NEDD4: variants seen among roughly 807,000 people sequenced by gnomAD.
NEDD4 encodes the protein E3 ubiquitin-protein ligase NEDD4.
Under a neutral mutation model 144.9 loss-of-function variants are expected in NEDD4, and 99 were observed. The observed-to-expected ratio is 0.68, with a 90% CI of 0.58 to 0.81. NEDD4 has a LOEUF of 0.81. NEDD4 is among the 30% of genes least tolerant of loss of function. NEDD4 has a pLI of 0.00. For synonymous variants in NEDD4, 318 were observed against 350.6 expected, an observed-to-expected ratio of 0.91 and a Z score of 1.04; for missense variants, 985 against 1,065.9, an observed-to-expected ratio of 0.92 and a Z score of 1.06.
intron 1 of NEDD4, among the ~76,000 whole-genome samples, chr15:55,966,869 C>T (rs764595494): frequency 6.6e-5 from 10 of 152,016 alleles, no homozygotes; most frequent in Admixed American, 1.3e-4. Context: ...TACACAAAAT[C>T]GAAAGTTCAT....
At chr15:55,838,680 G>A in intron 21 of NEDD4, 76 bp from the exon 22 acceptor site, 1 of 924,076 alleles carries the variant, frequency 1.1e-6, no homozygotes, top group East Asian at 2.6e-5. Context: ...TATGTAGAGG[G>A]TCTGAATAAT....
In NEDD4 at chr15:55,936,693, A is replaced by T. The variant is rs1286963669; in HGVS notation, c.238-11994T>A. Among the ~76,000 whole-genome samples, 5 of 152,322 alleles carry T rather than the reference A, an allele frequency of 3.3e-5. No homozygotes were observed. The East Asian group carries it at 7.7e-4, about 23-fold the overall frequency. ...TTTCAGATGCCCAAGCACAATTCTTATGCACAGAGTAAATAACATGTGCAT... is the reference window on the plus strand; with the variant it reads ...TTTCAGATGCCCAAGCACAATTCTTTTGCACAGAGTAAATAACATGTGCAT... On this transcript the variant is annotated intron_variant, in intron 4 of 28. Coordinates refer to ENST00000435532, the MANE Select transcript of NEDD4 (RefSeq NM_006154.4).
intron 4 of NEDD4, among the ~76,000 whole-genome samples, chr15:55,925,191 G>A (rs75097839): frequency 6.6e-6 from 1 of 152,172 alleles, no homozygotes; most frequent in Non-Finnish European, 1.5e-5. Flanking sequence ...TCATTTTCTA[G>A]TAGTTTCACA....
chr15:55,916,087 T>C (rs775452036), intron 5 of NEDD4: 92 of 1,613,892 alleles, frequency 5.7e-5, no homozygotes, highest in Non-Finnish European at 7.7e-5. Context: ...ACTGGCAATT[T>C]CATAATCTCT....
At chr15:55,969,130 C>T (rs563451178) in intron 1 of NEDD4, among the ~76,000 whole-genome samples, 27 of 152,184 alleles carry the variant, frequency 1.8e-4, no homozygotes, top group South Asian at 4.1e-4. Flanking sequence ...CTTTGCGGGA[C>T]GAAGGGCAAA....
chr15:55,888,178 A>C (rs1160224477), intron 5 of NEDD4, among the ~76,000 whole-genome samples: 1 of 152,204 alleles, frequency 6.6e-6, no homozygotes, highest in Non-Finnish European at 1.5e-5. Flanking sequence ...CCAAATTGGA[A>C]AGGAAGAAGT....
intron 2 of NEDD4, among the ~76,000 whole-genome samples, chr15:55,953,910 T>C (rs1166825379): frequency 1.3e-5 from 2 of 152,212 alleles, no homozygotes; most frequent in Admixed American, 6.5e-5. Context: ...TAAGTAGAGA[T>C]TGGATTTCAC....
rs770132027 is a variant in NEDD4, at chr15:55,951,387, T to C, written c.226A>G (p.Ile76Val). 7 of 981,936 alleles carry C rather than the reference T, an allele frequency of 7.1e-6. No individual in the cohort carries two copies. In the South Asian group the frequency reaches 1.2e-4, roughly 16 times the overall value. The allele number at this position is 981,936 out of a possible 1,614,324, so 60.8% of individuals were successfully genotyped here. ...AAATATATACTTACTCTGAATAATA[T>C]TTCTTCATTCCACTTTGGATTCAAA... Reference protein sequence around the residue: ...KSLNPKWNEEILFRVHPQQHR... With the variant: ...KSLNPKWNEEVLFRVHPQQHR... Residue 76 changes from isoleucine to valine, a missense_variant, in exon 4 of 29, where the codon ATA becomes GTA. Physicochemically the swap from Ile to Val is conservative, Grantham distance 29. Transcript: ENST00000435532.
At chr15:55,906,202 A>G (rs2036087245) in intron 5 of NEDD4, among the ~76,000 whole-genome samples, 1 of 152,230 alleles carries the variant, frequency 6.6e-6, no homozygotes, top group East Asian at 1.9e-4. Flanking sequence ...AACTAGTTCA[A>G]CCATTGTGGA....
At chr15:55,967,045 C>T (rs377441208) in intron 1 of NEDD4, among the ~76,000 whole-genome samples, 27 of 151,768 alleles carry the variant, frequency 1.8e-4, no homozygotes, top group South Asian at 1.3e-3. Context: ...CGCCACCATG[C>T]CCAGATAATT....
intron 6 of NEDD4, among the ~76,000 whole-genome samples, chr15:55,873,057 C>T (rs1246494123): frequency 1.3e-5 from 2 of 152,026 alleles, no homozygotes; most frequent in African/African-American, 2.4e-5. Flanking sequence ...CTCTGATGTT[C>T]TGCATTGTTA....
At chr15:55,957,876 A>G (rs1281509347) in intron 2 of NEDD4, among the ~76,000 whole-genome samples, 1 of 152,218 alleles carries the variant, frequency 6.6e-6, no homozygotes, top group Non-Finnish European at 1.5e-5. Context: ...ACACGGACAG[A>G]AAACCAAACA....
intron 5 of NEDD4, among the ~76,000 whole-genome samples, chr15:55,903,244 CT>C (rs2035968284): frequency 6.6e-6 from 1 of 151,934 alleles, no homozygotes; most frequent in Non-Finnish European, 1.5e-5. Context: ...CCAAAGTAAT[CT>C]TTTCCAAGCA....
intron 4 of NEDD4, among the ~76,000 whole-genome samples, chr15:55,949,053 C>T (rs2037179871): frequency 1.3e-5 from 2 of 152,152 alleles, no homozygotes; most frequent in Non-Finnish European, 2.9e-5. Context: ...GCAATCTACT[C>T]ATCTGACAAA....
rs546369557 is a variant in NEDD4 at position 55,835,085 on chromosome 15, C to A, written c.2263-799G>T. Among the ~76,000 whole-genome samples the A allele has an allele frequency of 3.3e-5, 5 of 152,184 alleles. No individual in the cohort carries two copies. The South Asian group carries it at 1.0e-3, about 32-fold the overall frequency. ...TTTAAAACAAAGCAAAACAAACAAACAAACAAACAAAAACTAATGACTCTC... is the reference window on the plus strand; with the variant it reads ...TTTAAAACAAAGCAAAACAAACAAAAAAACAAACAAAAACTAATGACTCTC... On this transcript the variant is annotated intron_variant, in intron 24 of 28. Transcript: ENST00000435532.
At chr15:55,875,156 C>T (rs548432759) in intron 5 of NEDD4, among the ~76,000 whole-genome samples, 40 of 149,346 alleles carry the variant, frequency 2.7e-4, no homozygotes, top group Non-Finnish European at 4.0e-4. Flanking sequence ...CACAAGATGA[C>T]GCAGATCATG....
intron 5 of NEDD4, among the ~76,000 whole-genome samples, chr15:55,910,067 G>A (rs1181218904): frequency 6.6e-6 from 1 of 152,148 alleles, no homozygotes; most frequent in African/African-American, 2.4e-5. Flanking sequence ...ACGTAAGACT[G>A]TAACCTTTAT....
intron 4 of NEDD4, among the ~76,000 whole-genome samples, chr15:55,929,785 A>G (rs1419197208): frequency 6.6e-6 from 1 of 152,208 alleles, no homozygotes; most frequent in African/African-American, 2.4e-5. Context: ...CTCAAAGGAA[A>G]AAGAGATAAT....
intron 11 of NEDD4, among the ~76,000 whole-genome samples, chr15:55,858,811 G>A (rs753393630): frequency 7.2e-5 from 11 of 152,332 alleles, no homozygotes; most frequent in Non-Finnish European, 1.3e-4. Context: ...CACATTTCCT[G>A]TTAAGATCCA....
Sources: gnomAD v4.1 joint callset for allele counts (sites outside exome capture counted in the v4.1 genomes callset) on GRCh38, gnomAD v4.1.1 for gene constraint, MANE v1.5 for transcripts, NCBI Gene and HGNC (gene_info 2026-07-23, HGNC 2026-07-21) for gene names.